The following RNF130 variants were observed in gnomAD, a reference collection of about 807,000 sequenced individuals.
RNF130 encodes E3 ubiquitin-protein ligase RNF130.
RNF130 carries 21 observed loss-of-function variants against 44.6 expected under a neutral mutation model. The ratio of observed to expected loss-of-function variants is 0.47; its 90% confidence interval spans 0.33 to 0.68. The LOEUF (loss-of-function observed/expected upper bound fraction) is 0.68, where lower values mean the gene tolerates loss of function less well. Ranked by LOEUF, RNF130 falls within the 30% of genes least tolerant of loss-of-function variation. The pLI is 0.02. For missense variants in RNF130, 479 were observed against 560.6 expected, an observed-to-expected ratio of 0.85 and a Z score of 1.47; for synonymous variants, 214 against 210.4, an observed-to-expected ratio of 1.02 and a Z score of -0.15.
intron 7 of RNF130, among the ~76,000 whole-genome samples, chr5:179,939,058 A>G (rs1279869198): frequency 1.3e-5 from 2 of 152,036 alleles, no homozygotes; most frequent in Non-Finnish European, 2.9e-5. Flanking sequence ...GTGAGACCCC[A>G]TCTCTACTAA....
intron 8 of RNF130, among the ~76,000 whole-genome samples, chr5:179,957,270 G>A (rs1762232112): frequency 6.6e-6 from 1 of 152,146 alleles, no homozygotes; most frequent in Non-Finnish European, 1.5e-5. Context: ...AAATTAGCCA[G>A]GGGTGCTGGC....
intron 7 of RNF130, chr5:179,964,477 G>A (rs577588096): frequency 6.6e-6 from 1 of 152,286 alleles, no homozygotes; most frequent in Non-Finnish European, 1.5e-5. Flanking sequence ...ACTGACTAGG[G>A]CTGTTTTAAC....
chr5:180,013,182 C>T lies in RNF130; in HGVS notation c.572G>A (p.Ser191Asn). 3 of 1,614,130 alleles carry T rather than the reference C, an allele frequency of 1.9e-6. No individual in the cohort carries two copies. Among genetic ancestry groups the T allele is most frequent in the Non-Finnish European group, 1.7e-6 (2 of 1,180,026 alleles). The change falls in exon 3 of 9, where the codon AGC becomes AAC. Residue 191 changes from serine (S) to asparagine (N), a missense_variant. Physicochemically the swap from Ser to Asn is conservative, Grantham distance 46. Coordinates refer to ENST00000521389, the MANE Select transcript of RNF130 (RefSeq NM_018434.6). ...VGTRMPPKNF[S>N]RGSLVFVSIS... ...TGACACGAAGACTAGAGAGCCACGG[C>T]TGAAGTTCTTCGGTGGCATTCGAGT... is the stretch of plus-strand genomic sequence containing the variant.
At chr5:179,928,785 C>A (rs955752348) in intron 7 of RNF130, among the ~76,000 whole-genome samples, 2 of 152,000 alleles carry the variant, frequency 1.3e-5, no homozygotes, top group Admixed American at 6.6e-5. Flanking sequence ...CCCACCACCA[C>A]GCCTGGCTAA....
intron 2 of RNF130, among the ~76,000 whole-genome samples, chr5:180,036,558 T>G (rs561517872): frequency 6.6e-6 from 1 of 152,250 alleles, no homozygotes; most frequent in South Asian, 2.1e-4. Flanking sequence ...AGTCTAGAAG[T>G]TTTTCAAAGC....
chr5:179,920,483 A>G (rs1430667733), intron 7 of RNF130: 12 of 691,028 alleles, frequency 1.7e-5, no homozygotes, highest in Admixed American at 4.1e-5. Flanking sequence ...TGTTTCTCAC[A>G]TGGCTAGGAG....
intron 7 of RNF130, among the ~76,000 whole-genome samples, chr5:179,946,570 T>C (rs1247954634): frequency 7.3e-5 from 11 of 151,724 alleles, no homozygotes; most frequent in African/African-American, 2.2e-4. Context: ...TTTTTTTTTT[T>C]TGAGACGGAG....
downstream of RNF130, among the ~76,000 whole-genome samples, chr5:179,953,659 A>G (rs970788922): frequency 2.6e-5 from 4 of 152,256 alleles, no homozygotes; most frequent in Non-Finnish European, 4.4e-5. Context: ...AAAAGTTAAG[A>G]GCAAAGACTA....
chr5:180,001,205 T>C (rs1763328564), intron 3 of RNF130, among the ~76,000 whole-genome samples: 1 of 152,112 alleles, frequency 6.6e-6, no homozygotes, highest in Non-Finnish European at 1.5e-5. Context: ...GTGTAGGCTG[T>C]TATCCTTTCA....
At position 180,048,137 on chromosome 5, in the gene RNF130, G is replaced by T. The variant is rs146551170; in HGVS notation, c.248-7490C>A. 2.5e-4 allele frequency among the ~76,000 whole-genome samples: 38 copies of T among 152,200 alleles called. 1 individual carries two copies. The East Asian group carries it at 7.4e-3, about 29-fold the overall frequency. On this transcript the variant is annotated intron_variant, in intron 1 of 8. Coordinates refer to ENST00000521389, the MANE Select transcript of RNF130 (RefSeq NM_018434.6). ...CACAGCTAAATCAGGTCAACAGCAT[G>T]CTAAGAATCGGGAGAGGAAAGTGGA... is the stretch of plus-strand genomic sequence containing the variant.
chr5:180,055,701 C>T (rs536911692), intron 1 of RNF130, among the ~76,000 whole-genome samples: 1 of 152,234 alleles, frequency 6.6e-6, no homozygotes, highest in South Asian at 2.1e-4. Flanking sequence ...ATCAAATGGA[C>T]AAATGCCTTT....
chr5:180,071,557 C>A lies in RNF130; in HGVS notation c.146G>T (p.Gly49Val). 1 of 1,433,408 alleles carries A rather than the reference C, an allele frequency of 7.0e-7. No individual in the cohort carries two copies. The highest frequency in any genetic ancestry group is 9.2e-7 in the Non-Finnish European group (1 of 1,085,924). 88.8% of individuals were successfully genotyped at this position (1,433,408 alleles called of 1,614,324 possible). Residue 49 changes from glycine (G) to valine (V), a missense_variant, in exon 1 of 9, where the codon GGC becomes GTC. Physicochemically the swap from Gly to Val is moderately radical, Grantham distance 109. Around this residue, in one of 3 missense-constraint regions of RNF130, gnomAD observed 138 missense variants for 126.9 expected, o/e 1.09. Transcript: ENST00000521389. ...GTCGATGCGAAACGTGAGCGGGGCG[C>A]CGCGGCCGGGCTCCTGCACCGTCAC... is the stretch of plus-strand genomic sequence containing the variant. ...INVTVQEPGR[G>V]APLTFRIDRG...
chr5:179,987,050 A>C (rs57117216), intron 3 of RNF130, among the ~76,000 whole-genome samples: 27,004 of 152,110 alleles, frequency 0.18, 2,745 homozygotes, highest in Middle Eastern at 0.24. Context: ...GTTTTTGGTG[A>C]ACTCTTTGTT....
intron 2 of RNF130, among the ~76,000 whole-genome samples, chr5:180,033,582 C>A (rs1455206559): frequency 1.3e-5 from 2 of 151,876 alleles, no homozygotes; most frequent in Non-Finnish European, 1.5e-5. Context: ...CCCAGCTGCT[C>A]GGGAGTCTGA....
At chr5:179,920,736 T>G (rs1761616037) in intron 7 of RNF130, among the ~76,000 whole-genome samples, 1 of 151,648 alleles carries the variant, frequency 6.6e-6, no homozygotes, top group Admixed American at 6.6e-5. Context: ...CACATGATCT[T>G]ATGGAGGACT....
At chr5:180,067,689 T>C (rs1316577999) in intron 1 of RNF130, among the ~76,000 whole-genome samples, 10 of 152,218 alleles carry the variant, frequency 6.6e-5, no homozygotes, top group Admixed American at 6.5e-4. Context: ...ATGTTAAAAT[T>C]TGATTTTTAG....
At chr5:180,022,559 C>A (rs1198442314) in intron 2 of RNF130, among the ~76,000 whole-genome samples, 1 of 152,154 alleles carries the variant, frequency 6.6e-6, no homozygotes, top group African/African-American at 2.4e-5. Context: ...CTGATTATGG[C>A]CACAGGGATA....
chr5:179,933,133 TCTC>T (rs746893046), intron 7 of RNF130, among the ~76,000 whole-genome samples: 2 of 152,150 alleles, frequency 1.3e-5, no homozygotes, highest in Non-Finnish European at 2.9e-5. Flanking sequence ...CTTGGGAAGT[TCTC>T]CTCTTTTTCT....
intron 3 of RNF130, among the ~76,000 whole-genome samples, chr5:180,003,979 C>T (rs772050508): frequency 1.4e-4 from 22 of 152,172 alleles, no homozygotes; most frequent in Admixed American, 3.9e-4. Flanking sequence ...AGTACTGACT[C>T]GTGTTATCGT....
Sources: allele counts gnomAD v4.1 joint callset (sites outside exome capture counted in the v4.1 genomes callset), GRCh38; gene constraint gnomAD v4.1.1; regional missense constraint gnomAD v4.1.1; transcripts MANE v1.5; gene names NCBI Gene and HGNC (gene_info 2026-07-23, HGNC 2026-07-21).